Variants in RFWD3 observed in about 807,000 individuals in gnomAD.
RFWD3 encodes the protein E3 ubiquitin-protein ligase RFWD3.
A neutral mutation model predicts 87.7 loss-of-function variants in RFWD3; 65 were observed. The ratio of observed to expected loss-of-function variants is 0.74; its 90% CI spans 0.61 to 0.91. The LOEUF (loss-of-function observed/expected upper bound fraction) is 0.91, where lower values mean the gene tolerates loss of function less well. Ranked by LOEUF, RFWD3 falls within the 40% of genes least tolerant of loss-of-function variation. The probability of loss-of-function intolerance (pLI) is 0.00; values close to 1 mark genes in which losing one functional copy is unlikely to be tolerated. For missense variants in RFWD3, 1,078 were observed against 938.5 expected (o/e 1.15, Z -1.94); for synonymous variants, 433 against 352.8 (o/e 1.23, Z -2.55).
chr16:74,662,940 T>A (rs925341239), intron 1 of RFWD3, among the ~76,000 whole-genome samples: 5 of 151,862 alleles, frequency 3.3e-5, no homozygotes, highest in South Asian at 2.1e-4. Flanking sequence ...AGTCTCGCTC[T>A]GTTGCCCAGG....
Position 74,654,585 on chromosome 16 carries a change from A to G in RFWD3, c.519-2463T>C, listed in dbSNP as rs80341691. Among the ~76,000 whole-genome samples the G allele has an allele frequency of 7.8e-3, 1,184 of 152,264 alleles. 19 individuals carry two copies. The highest frequency in any genetic ancestry group is 0.027 in the African/African-American group (1,138 of 41,536). On this transcript the variant is annotated intron_variant, in intron 2 of 12. Transcript: ENST00000361070. ...GTTAGTAACTCTACAATGGCCTCTA[A>G]GTGTTCAAATTAAGGGAAGAGTCAG...
chr16:74,625,700 C>T (rs1009808324), intron 12 of RFWD3, among the ~76,000 whole-genome samples: 7 of 152,180 alleles, frequency 4.6e-5, no homozygotes, highest in African/African-American at 1.4e-4. Flanking sequence ...CAACTCCAGT[C>T]AATGAAAGTT....
chr16:74,663,437 G>A (rs1244475515), intron 1 of RFWD3, among the ~76,000 whole-genome samples: 6 of 152,140 alleles, frequency 3.9e-5, no homozygotes, highest in African/African-American at 9.7e-5. Flanking sequence ...GGGGAAGAAC[G>A]GCCGCTAGAT....
chr16:74,661,570 G>C (rs947234288), intron 1 of RFWD3, 119 bp from the exon 2 acceptor site: 1 of 935,870 alleles, frequency 1.1e-6, no homozygotes, highest in African/African-American at 1.7e-5. Context: ...GCAAGACTGA[G>C]AAGCTTCAAG....
intron 2 of RFWD3, 68 bp downstream of exon 2, chr16:74,660,864 T>G: frequency 2.0e-6 from 3 of 1,518,542 alleles, no homozygotes; most frequent in Non-Finnish European, 2.7e-6. Flanking sequence ...AGTCCTTGAA[T>G]GGCAGAGCCT....
chr16:74,641,570 A>G (rs1016958832), intron 6 of RFWD3, among the ~76,000 whole-genome samples: 9 of 152,300 alleles, frequency 5.9e-5, no homozygotes, highest in African/African-American at 1.9e-4. Flanking sequence ...GCATAAAATT[A>G]AGCAAAAAAG....
intron 2 of RFWD3, chr16:74,660,697 C>A: frequency 2.1e-6 from 1 of 471,808 alleles, no homozygotes; most frequent in Non-Finnish European, 3.8e-6. Context: ...AACAGCCAAT[C>A]TCTACAGAGA....
intron 12 of RFWD3, among the ~76,000 whole-genome samples, chr16:74,624,613 T>C (rs1050038747): frequency 5.9e-5 from 9 of 152,284 alleles, no homozygotes; most frequent in African/African-American, 2.2e-4. Context: ...GCCAGGCTGG[T>C]CTAGAACTCC....
intron 6 of RFWD3, among the ~76,000 whole-genome samples, chr16:74,641,191 T>C (rs1281381087): frequency 9.2e-5 from 14 of 152,030 alleles, no homozygotes; most frequent in Admixed American, 3.9e-4. Flanking sequence ...AGACAGAGTT[T>C]CGCCATTGTT....
chr16:74,653,338 CAACAAAAA>C (rs956659125), intron 2 of RFWD3, among the ~76,000 whole-genome samples: 1 of 151,054 alleles, frequency 6.6e-6, no homozygotes, highest in Non-Finnish European at 1.5e-5. Flanking sequence ...CTTGTCTCAA[CAACAAAAA>C]AACAAAAAAA....
chr16:74,649,766 T>C (rs997775285), intron 3 of RFWD3, among the ~76,000 whole-genome samples: 3 of 152,246 alleles, frequency 2.0e-5, no homozygotes, highest in Non-Finnish European at 4.4e-5. Context: ...CATAATGAGC[T>C]TGTGATGTCT....
intron 7 of RFWD3, 82 bp from the exon 8 acceptor site, chr16:74,636,659 A>C: frequency 9.6e-7 from 1 of 1,044,722 alleles, no homozygotes; most frequent in Non-Finnish European, 1.4e-6. Context: ...CTTTTACAGG[A>C]AGATTTTTTA....
intron 8 of RFWD3, among the ~76,000 whole-genome samples, chr16:74,634,910 G>A (rs974430596): frequency 6.6e-6 from 1 of 152,106 alleles, no homozygotes; most frequent in African/African-American, 2.4e-5. Flanking sequence ...CGGAGGCTGA[G>A]ATGGGTGAAT....
intron 2 of RFWD3, 98 bp from the exon 3 acceptor site, chr16:74,652,220 T>C (rs544833562): frequency 5.8e-5 from 63 of 1,086,148 alleles, no homozygotes; most frequent in Admixed American, 1.6e-4. Flanking sequence ...CTTCAACCCA[T>C]CTCCAGGCCA....
Position 74,630,837 on chromosome 16 carries a change from T to C in RFWD3, c.1698A>G (p.Val566=), listed in dbSNP as rs1284236409. ...GACTGCTCGTGTTTCGCACGTCATA[T>C]ACCAGAATTGAACCATTGGCCAGTC... ...YAGLANGSIL[V]YDVRNTSSHV... is the part of the protein sequence containing the mutation. The change falls in exon 10 of 13, where the codon GTA becomes GTG. Residue 566 remains valine (V), a synonymous_variant. Coordinates refer to ENST00000361070, the MANE Select transcript of RFWD3 (RefSeq NM_018124.4). 1 of 1,613,936 alleles carries C rather than the reference T, an allele frequency of 6.2e-7. No homozygotes were observed.
intron 2 of RFWD3, 81 bp downstream of exon 2, chr16:74,660,851 G>C (rs1228725784): frequency 1.3e-6 from 2 of 1,483,550 alleles, no homozygotes; most frequent in South Asian, 1.3e-5. Flanking sequence ...AAGTCACACT[G>C]TCAGTCCTTG....
At chr16:74,649,227 C>A (rs1960399240) in intron 3 of RFWD3, 25 bp from the exon 4 acceptor site, 2 of 1,520,656 alleles carry the variant, frequency 1.3e-6, no homozygotes, top group Non-Finnish European at 1.8e-6. Context: ...CCAGAAATGA[C>A]AGGAGAGGTA....
intron 8 of RFWD3, among the ~76,000 whole-genome samples, chr16:74,635,943 T>C (rs1198928285): frequency 1.3e-5 from 2 of 152,256 alleles, no homozygotes; most frequent in East Asian, 1.9e-4. Context: ...TATTTGGAAA[T>C]TGTTAACTTG....
intron 12 of RFWD3, among the ~76,000 whole-genome samples, chr16:74,624,366 T>G (rs546634363): frequency 6.6e-6 from 1 of 152,302 alleles, no homozygotes; most frequent in Admixed American, 6.5e-5. Context: ...GTCAATAAGA[T>G]AAAGTCCCTG....
Sources: allele counts gnomAD v4.1 joint callset (sites outside exome capture counted in the v4.1 genomes callset), GRCh38; gene constraint gnomAD v4.1.1; transcripts MANE v1.5; gene names NCBI Gene and HGNC (gene_info 2026-07-23, HGNC 2026-07-21).